LRRN4CL: variants seen among roughly 807,000 people sequenced by gnomAD.
LRRN4CL encodes the protein LRRN4 C-terminal-like protein.
For missense variants in LRRN4CL, 348 were observed against 336.4 expected, an observed-to-expected ratio of 1.03 and a Z score of -0.27; for synonymous variants, 156 against 154.1, an observed-to-expected ratio of 1.01 and a Z score of -0.09.
intron 1 of LRRN4CL, among the ~76,000 whole-genome samples, chr11:62,689,056 A>G (rs1851851627): frequency 6.6e-6 from 1 of 152,212 alleles, no homozygotes; most frequent in Non-Finnish European, 1.5e-5. Context: ...GTTAAAAAAC[A>G]TTAAAAATAT....
At position 62,687,904 on chromosome 11, in the gene LRRN4CL, A is replaced by G. The variant is rs1945216387; in HGVS notation, c.605T>C (p.Val202Ala). ...PRTLVHAAVG[V>A]GTALALLSCA... Reference sequence around the variant, plus strand: ...GCTTAGCAGGGCCAGGGCCGTGCCCACCCCGACGGCCGCGTGGACCAGAGT... The same window carrying G: ...GCTTAGCAGGGCCAGGGCCGTGCCCGCCCCGACGGCCGCGTGGACCAGAGT... Residue 202 changes from valine (V) to alanine (A), a missense_variant, in exon 2 of 2, where the codon GTG (valine) becomes GCG (alanine). Physicochemically the swap from Val to Ala is moderately conservative, Grantham distance 64. Coordinates refer to ENST00000317449, the MANE Select transcript of LRRN4CL (RefSeq NM_203422.4). 1 of 1,500,952 alleles carries G rather than the reference A, an allele frequency of 6.7e-7. No individual in the cohort carries two copies. The highest frequency in any genetic ancestry group is 1.4e-5 in the African/African-American group (1 of 71,858). The allele number at this position is 1,500,952 out of a possible 1,614,324, so 93.0% of individuals were successfully genotyped here.
chr11:62,688,153 C>T lies in LRRN4CL; in HGVS notation c.356G>A (p.Trp119Ter), dbSNP rs752712001. ...SPVLHYWLLL[W>*]DGSEAAQKGP... is the part of the protein sequence containing the mutation. ...CTTCTGCGCAGCCTCGCTGCCGTCC[C>T]AAAGCAGCAGCCAGTAGTGGAGGAC... Residue 119 changes from tryptophan to a stop codon, truncating the protein, a stop_gained, in exon 2 of 2, where the codon TGG becomes TAG. Coordinates refer to ENST00000317449, the MANE Select transcript of LRRN4CL (RefSeq NM_203422.4). LOFTEE classifies it low-confidence loss of function (END_TRUNC). 6.2e-7 allele frequency: 1 copy of T among 1,612,410 alleles called. No individual in the cohort carries two copies. The highest frequency in any genetic ancestry group is 1.1e-5 in the South Asian group (1 of 91,060).
chr11:62,686,500 G>GC lies in LRRN4CL; in HGVS notation c.*1291_*1292insG, dbSNP rs1945198438. ...GGGGAGATTCCTTGGTATTACTGTC[G>GC]TTTTTGTTTTGTTTTACCTAGCAAG... On this transcript the variant is annotated 3_prime_UTR_variant, in exon 2 of 2. Coordinates refer to ENST00000317449, the MANE Select transcript of LRRN4CL (RefSeq NM_203422.4). The GC allele has an allele frequency of 1.3e-5, 2 of 152,082 alleles. No homozygotes were observed. The highest frequency in any genetic ancestry group is 4.2e-4 in the South Asian group (2 of 4,804). 9.4% of individuals were successfully genotyped at this position (152,082 alleles called of 1,614,324 possible).
chr11:62,687,899 T>C lies in LRRN4CL; in HGVS notation c.610A>G (p.Thr204Ala), dbSNP rs781124372. ...TLVHAAVGVG[T>A]ALALLSCAAL... ...GCACAGCTTAGCAGGGCCAGGGCCG[T>C]GCCCACCCCGACGGCCGCGTGGACC... The change falls in exon 2 of 2, where the codon ACG becomes GCG. Residue 204 changes from threonine to alanine, a missense_variant. By Grantham distance (58) the Thr-to-Ala change is moderately conservative. Transcript: ENST00000317449. 3 of 1,497,242 alleles carry C rather than the reference T, an allele frequency of 2.0e-6. No homozygotes were observed. The highest frequency in any genetic ancestry group is 2.7e-6 in the Non-Finnish European group (3 of 1,125,504). The allele number at this position is 1,497,242 out of a possible 1,614,324, so 92.7% of individuals were successfully genotyped here.
Position 62,687,983 on chromosome 11 carries a change from C to G in LRRN4CL, c.526G>C (p.Asp176His), listed in dbSNP as rs1257470164. 6.2e-7 allele frequency: 1 copy of G among 1,606,698 alleles called. No individual in the cohort carries two copies. Among genetic ancestry groups the G allele is most frequent in the African/African-American group, 1.3e-5 (1 of 74,784 alleles). The change falls in exon 2 of 2, where the codon GAC becomes CAC. Residue 176 changes from aspartate (D) to histidine (H), a missense_variant. Physicochemically the swap from Asp to His is moderately conservative, Grantham distance 81. Coordinates refer to ENST00000317449, the MANE Select transcript of LRRN4CL (RefSeq NM_203422.4). ...QAGGEGLEGA[D>H]IPAFGPCSRL... ...CTGCAAGGCCCGAAGGCAGGGATGT[C>G]GGCCCCCTCGAGGCCCTCTCCTCCA...
chr11:62,687,992 C>G lies in LRRN4CL; in HGVS notation c.517G>C (p.Glu173Gln), dbSNP rs151072274. 1.2e-6 allele frequency: 2 copies of G among 1,609,794 alleles called. No homozygotes were observed. The highest frequency in any genetic ancestry group is 1.7e-6 in the Non-Finnish European group (2 of 1,178,406). ...RVPQAGGEGL[E>Q]GADIPAFGPC... Reference sequence around the variant, plus strand: ...CCGAAGGCAGGGATGTCGGCCCCCTCGAGGCCCTCTCCTCCAGCCTGGGGC... The same window carrying G: ...CCGAAGGCAGGGATGTCGGCCCCCTGGAGGCCCTCTCCTCCAGCCTGGGGC... The change falls in exon 2 of 2, where the codon GAG becomes CAG. Residue 173 changes from glutamate to glutamine, a missense_variant. By Grantham distance (29) the Glu-to-Gln change is conservative (BLOSUM62 2). Transcript: ENST00000317449.
Position 62,688,132 on chromosome 11 carries a change from T to TG in LRRN4CL, c.376dup (p.Gln126ProfsTer32), listed in dbSNP as rs1945220865. ...CGTAGCGTTCAGCGGGGGCCCCTTCTGCGCAGCCTCGCTGCCGTCCCAAAG... is the reference window on the plus strand; with the variant it reads ...CGTAGCGTTCAGCGGGGGCCCCTTCTGGCGCAGCCTCGCTGCCGTCCCAAAG... On this transcript the variant is annotated frameshift_variant, in exon 2 of 2. Transcript: ENST00000317449. LOFTEE classifies it low-confidence loss of function (END_TRUNC). The TG allele has an allele frequency of 6.2e-7, 1 of 1,612,302 alleles. No homozygotes were observed. The highest frequency in any genetic ancestry group is 8.5e-7 in the Non-Finnish European group (1 of 1,179,812).
Position 62,688,392 on chromosome 11 carries a change from C to T in LRRN4CL, c.117G>A (p.Ala39=), listed in dbSNP as rs1005091205. 1 of 1,604,272 alleles carries T rather than the reference C, an allele frequency of 6.2e-7. No homozygotes were observed. The highest frequency in any genetic ancestry group is 8.5e-7 in the Non-Finnish European group (1 of 1,179,986). Residue 39 remains alanine, a synonymous_variant, in exon 2 of 2, where the codon GCG becomes GCA. Coordinates refer to ENST00000317449, the MANE Select transcript of LRRN4CL (RefSeq NM_203422.4). The part of the protein sequence containing the change: ...EEEEADETET[A]WPPLPAVPCD... The stretch of plus-strand genomic sequence containing the variant: ...AGGGGACAGCCGGCAAAGGCGGCCA[C>T]GCCGTCTCAGTCTCATCTGCCTCCT...
Position 62,687,461 on chromosome 11 carries a change from G to T in LRRN4CL, c.*331C>A. On this transcript the variant is annotated 3_prime_UTR_variant, in exon 2 of 2. Transcript: ENST00000317449. The stretch of plus-strand genomic sequence containing the variant: ...TTTTACATTTTTAAATGGTTACAAA[G>T]GTCATATAAATACCCACATAATAAT... 1.8e-5 allele frequency: 5 copies of T among 279,156 alleles called. No individual in the cohort carries two copies. Among genetic ancestry groups the T allele is most frequent in the East Asian group, 5.9e-5 (1 of 16,924 alleles). 17.3% of individuals were successfully genotyped at this position (279,156 alleles called of 1,614,324 possible). A position where few individuals can be genotyped will look rare whatever the true frequency, so the allele number is the denominator to read the frequency against.
Position 62,687,883 on chromosome 11 carries a change from A to G in LRRN4CL, c.626T>C (p.Leu209Pro), listed in dbSNP as rs758097584. ...AVGVGTALAL[L>P]SCAALVWHFC... Reference sequence around the variant, plus strand: ...GTGCCACACCAGGGCGGCACAGCTTAGCAGGGCCAGGGCCGTGCCCACCCC... The same window carrying G: ...GTGCCACACCAGGGCGGCACAGCTTGGCAGGGCCAGGGCCGTGCCCACCCC... The change falls in exon 2 of 2, where the codon CTA becomes CCA. Residue 209 changes from leucine to proline, a missense_variant. Leu to Pro is a moderately conservative substitution (Grantham distance 98). Transcript: ENST00000317449. 6.8e-7 allele frequency: 1 copy of G among 1,468,106 alleles called. No individual in the cohort carries two copies. The highest frequency in any genetic ancestry group is 9.0e-7 in the Non-Finnish European group (1 of 1,113,242). The allele number at this position is 1,468,106 out of a possible 1,614,324, so 90.9% of individuals were successfully genotyped here. A position where few individuals can be genotyped will look rare whatever the true frequency, so the allele number is the denominator to read the frequency against.
At position 62,687,848 on chromosome 11, in the gene LRRN4CL, G is replaced by C. The variant is rs759031273; in HGVS notation, c.661C>G (p.Arg221Gly). 63 of 1,411,660 alleles carry C rather than the reference G, an allele frequency of 4.5e-5. No homozygotes were observed. The highest frequency in any genetic ancestry group is 3.7e-6 in the Non-Finnish European group (4 of 1,092,684). 87.4% of individuals were successfully genotyped at this position (1,411,660 alleles called of 1,614,324 possible). A position where few individuals can be genotyped will look rare whatever the true frequency, so the allele number is the denominator to read the frequency against. The change falls in exon 2 of 2, where the codon CGC becomes GGC. Residue 221 changes from arginine (R) to glycine (G), a missense_variant. Arg to Gly is a moderately radical substitution (Grantham distance 125, BLOSUM62 -2). Coordinates refer to ENST00000317449, the MANE Select transcript of LRRN4CL (RefSeq NM_203422.4). ...CGGCGCGGGCAGCCCCAGCGATCGC[G>C]CAGGCAGAAGTGCCACACCAGGGCG... Reference protein sequence around the residue: ...CAALVWHFCLRDRWGCPRRAA... With the variant: ...CAALVWHFCLGDRWGCPRRAA...
In LRRN4CL at chr11:62,688,419, T is replaced by C. The variant is rs1945228727; in HGVS notation, c.90A>G (p.Glu30=). 5.0e-6 allele frequency: 8 copies of C among 1,601,322 alleles called. No homozygotes were observed. The highest frequency in any genetic ancestry group is 2.2e-5 in the East Asian group (1 of 44,882). The change falls in exon 2 of 2, where the codon GAA becomes GAG. Residue 30 remains glutamate (E), a synonymous_variant. Coordinates refer to ENST00000317449, the MANE Select transcript of LRRN4CL (RefSeq NM_203422.4). ...CCGTCTCAGTCTCATCTGCCTCCTC[T>C]TCTTCAAAGTCTTGAGGGGCCAAGG... ...AQPLAPQDFE[E]EEADETETAW...
In LRRN4CL at chr11:62,688,401, A is replaced by T. The variant is rs1229239472; in HGVS notation, c.108T>A (p.Thr36=). The change falls in exon 2 of 2, where the codon ACT becomes ACA. Residue 36 remains threonine, a synonymous_variant. Coordinates refer to ENST00000317449, the MANE Select transcript of LRRN4CL (RefSeq NM_203422.4). The part of the protein sequence containing the change: ...QDFEEEEADE[T]ETAWPPLPAV... ...CCGGCAAAGGCGGCCACGCCGTCTCAGTCTCATCTGCCTCCTCTTCTTCAA... is the reference window on the plus strand; with the variant it reads ...CCGGCAAAGGCGGCCACGCCGTCTCTGTCTCATCTGCCTCCTCTTCTTCAA... 1 of 1,603,034 alleles carries T rather than the reference A, an allele frequency of 6.2e-7. No homozygotes were observed. The highest frequency in any genetic ancestry group is 1.7e-5 in the Admixed American group (1 of 60,006).
rs1945219974 is a variant in LRRN4CL, at chr11:62,688,104, G to A, written c.405C>T (p.Val135=). ...AQKGPPLNAT[V]RRAELKGLKP... The stretch of plus-strand genomic sequence containing the variant: ...TCAGCCCCTTCAGTTCGGCTCTGCG[G>A]ACCGTAGCGTTCAGCGGGGGCCCCT... The change falls in exon 2 of 2, where the codon GTC becomes GTT. Residue 135 remains valine, a synonymous_variant. Transcript: ENST00000317449. The A allele has an allele frequency of 1.9e-6, 3 of 1,612,528 alleles. No homozygotes were observed. Among genetic ancestry groups the A allele is most frequent in the African/African-American group, 1.3e-5 (1 of 74,940 alleles).
rs1306150310 is a variant in LRRN4CL at position 62,688,149 on chromosome 11, G to A, written c.360C>T (p.Asp120=). 1.9e-6 allele frequency: 3 copies of A among 1,612,260 alleles called. No homozygotes were observed. Among genetic ancestry groups the A allele is most frequent in the African/African-American group, 2.7e-5 (2 of 74,940 alleles). Residue 120 remains aspartate (D), a synonymous_variant, in exon 2 of 2, where the codon GAC becomes GAT. Coordinates refer to ENST00000317449, the MANE Select transcript of LRRN4CL (RefSeq NM_203422.4). ...GCCCCTTCTGCGCAGCCTCGCTGCC[G>A]TCCCAAAGCAGCAGCCAGTAGTGGA... ...PVLHYWLLLW[D]GSEAAQKGPP... is the part of the protein sequence containing the mutation.
At position 62,688,492 on chromosome 11, in the gene LRRN4CL, C is replaced by G. The variant is rs1487725126; in HGVS notation, c.17G>C (p.Cys6Ser). 1.3e-6 allele frequency: 2 copies of G among 1,597,130 alleles called. No individual in the cohort carries two copies. The highest frequency in any genetic ancestry group is 2.2e-5 in the East Asian group (1 of 44,874). ...GGTCACGGCCAGGAGCCACAGAAGG[C>G]AGGGAGAGCCCAGCATGGAGACTGG... The part of the protein sequence containing the change: MLGSP[C>S]LLWLLAVTFL... The change falls in exon 2 of 2, where the codon TGC becomes TCC. Residue 6 changes from cysteine to serine, a missense_variant. Coordinates refer to ENST00000317449, the MANE Select transcript of LRRN4CL (RefSeq NM_203422.4).
rs752712001 is a variant in LRRN4CL at position 62,688,153 on chromosome 11, C to A, written c.356G>T (p.Trp119Leu). The A allele has an allele frequency of 6.2e-7, 1 of 1,612,410 alleles. No individual in the cohort carries two copies. Among genetic ancestry groups the A allele is most frequent in the African/African-American group, 1.3e-5 (1 of 75,052 alleles). ...CTTCTGCGCAGCCTCGCTGCCGTCC[C>A]AAAGCAGCAGCCAGTAGTGGAGGAC... The part of the protein sequence containing the change: ...SPVLHYWLLL[W>L]DGSEAAQKGP... The change falls in exon 2 of 2, where the codon TGG becomes TTG. Residue 119 changes from tryptophan (W) to leucine (L), a missense_variant. Coordinates refer to ENST00000317449, the MANE Select transcript of LRRN4CL (RefSeq NM_203422.4).
At chr11:62,688,587 C>T (rs1945232465) in intron 1 of LRRN4CL, 74 bp from the exon 2 acceptor site, 4 of 1,182,984 alleles carry the variant, frequency 3.4e-6, no homozygotes, top group African/African-American at 3.1e-5. Context: ...TGGACACAAT[C>T]TCTGGAGACA....
At chr11:62,688,590 T>A in intron 1 of LRRN4CL, 77 bp from the exon 2 acceptor site, 1 of 1,155,938 alleles carries the variant, frequency 8.7e-7, no homozygotes, top group Non-Finnish European at 1.2e-6. Context: ...ACACAATCTC[T>A]GGAGACAGGA....
Sources: gnomAD v4.1 joint callset for allele counts (sites outside exome capture counted in the v4.1 genomes callset) on GRCh38, gnomAD v4.1.1 for gene constraint, MANE v1.5 for transcripts, NCBI Gene and HGNC (gene_info 2026-07-23, HGNC 2026-07-21) for gene names.